Variants in GOLGA1 observed in about 807,000 individuals in gnomAD.
GOLGA1 encodes the protein golgin A1, also known as golgin subfamily A member 1.
Under a neutral mutation model 119.7 loss-of-function variants are expected in GOLGA1, and 63 were observed. The ratio of observed to expected loss-of-function variants is 0.53; its 90% CI spans 0.43 to 0.65. The LOEUF (loss-of-function observed/expected upper bound fraction) is 0.65. Ranked by LOEUF, GOLGA1 falls within the 30% of genes least tolerant of loss-of-function variation. The pLI, the probability that GOLGA1 is intolerant of heterozygous loss-of-function variation, is 0.00. For synonymous variants in GOLGA1, 318 were observed against 333.4 expected (o/e 0.95, Z 0.50); for missense variants, 798 against 912.8 (o/e 0.87, Z 1.62).
intron 3 of GOLGA1, 40 bp from the exon 4 acceptor site, chr9:124,931,446 T>A (rs200591160): frequency 1.1e-6 from 1 of 937,464 alleles, no homozygotes; most frequent in Non-Finnish European, 1.8e-6. Context: ...TTCATATATG[T>A]GTGAGACCAC....
Position 124,928,268 on chromosome 9 carries a change from G to T in GOLGA1, c.319C>A (p.Gln107Lys). The T allele has an allele frequency of 6.3e-7, 1 of 1,598,052 alleles. No individual in the cohort carries two copies. Among genetic ancestry groups the T allele is most frequent in the Non-Finnish European group, 8.6e-7 (1 of 1,166,712 alleles). Residue 107 changes from glutamine (Q) to lysine (K), a missense_variant, in exon 6 of 23, where the codon CAA becomes AAA. Gln to Lys is a moderately conservative substitution (Grantham distance 53). Coordinates refer to ENST00000373555, the MANE Select transcript of GOLGA1 (RefSeq NM_002077.4). The part of the protein sequence containing the change: ...KHQDSSMRKF[Q>K]EQNETFQANR... Reference sequence around the variant, plus strand: ...GCTTGGAATGTCTCATTCTGCTCTTGAAATTTCCGCATGGAAGCTGTTAAC... The same window carrying T: ...GCTTGGAATGTCTCATTCTGCTCTTTAAATTTCCGCATGGAAGCTGTTAAC...
chr9:124,878,910 T>G lies in GOLGA1; in HGVS notation c.*1620A>C, dbSNP rs558630214. 1 of 152,328 alleles carries G rather than the reference T, an allele frequency of 6.6e-6. No individual in the cohort carries two copies. Among genetic ancestry groups the G allele is most frequent in the East Asian group, 1.9e-4 (1 of 5,184 alleles). 9.4% of individuals were successfully genotyped at this position (152,328 alleles called of 1,614,324 possible). A position where few individuals can be genotyped will look rare whatever the true frequency, so the allele number is the denominator to read the frequency against. ...TTGCAGAACAGAAGAGACTCCTGTT[T>G]CGTGTTCCCACCAGGTAAATGGAAA... On this transcript the variant is annotated 3_prime_UTR_variant, in exon 23 of 23. Coordinates refer to ENST00000373555, the MANE Select transcript of GOLGA1 (RefSeq NM_002077.4).
intron 1 of GOLGA1, chr9:124,947,836 C>T (rs545926763): frequency 2.0e-4 from 31 of 152,280 alleles, no homozygotes; most frequent in African/African-American, 7.2e-4. Flanking sequence ...TCATAGCATT[C>T]ATATTCATAT....
chr9:124,911,636 A>G (rs962190911), intron 11 of GOLGA1, among the ~76,000 whole-genome samples: 1 of 152,242 alleles, frequency 6.6e-6, no homozygotes, highest in Non-Finnish European at 1.5e-5. Context: ...GGCGGAAATC[A>G]CTAGGTGTGG....
chr9:124,912,650 C>G (rs1414419112), intron 10 of GOLGA1, among the ~76,000 whole-genome samples: 1 of 152,218 alleles, frequency 6.6e-6, no homozygotes, highest in Non-Finnish European at 1.5e-5. Flanking sequence ...TTACGCCATT[C>G]TCCTGCCTCA....
At chr9:124,931,930 G>A (rs570716314) in intron 3 of GOLGA1, among the ~76,000 whole-genome samples, 2 of 152,026 alleles carry the variant, frequency 1.3e-5, no homozygotes, top group South Asian at 4.2e-4. Context: ...TATTAATGAG[G>A]CATACATTTT....
chr9:124,890,436 G>C lies in GOLGA1; in HGVS notation c.1450C>G (p.Gln484Glu). The change falls in exon 16 of 23, where the codon CAA becomes GAA. Residue 484 changes from glutamine to glutamate, a missense_variant. Gln to Glu is a conservative substitution (Grantham distance 29, BLOSUM62 2). Transcript: ENST00000373555. ...TGCTTCCGCACCTCCTCCAGGGCTT[G>C]AGCCATGGCCACGCTCACAATTTCT... is the stretch of plus-strand genomic sequence containing the variant. ...QREIVSVAMA[Q>E]ALEEVRKQRE... 1 of 1,613,860 alleles carries C rather than the reference G, an allele frequency of 6.2e-7. No homozygotes were observed. Among genetic ancestry groups the C allele is most frequent in the Non-Finnish European group, 8.5e-7 (1 of 1,179,736 alleles).
At position 124,888,303 on chromosome 9, in the gene GOLGA1, G is replaced by C. The variant is rs1287235630; in HGVS notation, c.1855C>G (p.Leu619Val). 1 of 1,613,996 alleles carries C rather than the reference G, an allele frequency of 6.2e-7. No individual in the cohort carries two copies. Among genetic ancestry groups the C allele is most frequent in the Admixed American group, 1.7e-5 (1 of 60,012 alleles). The change falls in exon 19 of 23, where the codon CTA becomes GTA. Residue 619 changes from leucine (L) to valine (V), a missense_variant. By Grantham distance (32) the Leu-to-Val change is conservative. Coordinates refer to ENST00000373555, the MANE Select transcript of GOLGA1 (RefSeq NM_002077.4). This position sits in a 1 kb window ranked among gnomAD's most constrained non-coding sequence, Gnocchi z 4.4. ...TCCAAGTCCTGTTTCTCCTTCTGTA[G>C]CTGTGTGAGATCCATGGCCCCAACC... ...GEVGAMDLTQ[L>V]QKEKQDLEQQ... is the part of the protein sequence containing the mutation.
rs749252429 is a variant in GOLGA1, at chr9:124,881,153, T to C, written c.2223+18A>G. 2 of 1,311,644 alleles carry C rather than the reference T, an allele frequency of 1.5e-6. No individual in the cohort carries two copies. Among genetic ancestry groups the C allele is most frequent in the Non-Finnish European group, 2.2e-6 (2 of 902,310 alleles). The allele number at this position is 1,311,644 out of a possible 1,614,324, so 81.3% of individuals were successfully genotyped here. A position where few individuals can be genotyped will look rare whatever the true frequency, so the allele number is the denominator to read the frequency against. ...CAACGTATCTTGGAAGCTGGAACAG[T>C]AGACCAGAGAACCCTACCTTATATT... On this transcript the variant is annotated intron_variant, in intron 22 of 22. Coordinates refer to ENST00000373555, the MANE Select transcript of GOLGA1 (RefSeq NM_002077.4). This position sits in a 1 kb window ranked among gnomAD's most constrained non-coding sequence, Gnocchi z 4.9.
chr9:124,928,258 T>C lies in GOLGA1; in HGVS notation c.329A>G (p.Asn110Ser), dbSNP rs981377907. ...GGCTCTGTTGGCTTGGAATGTCTCA[T>C]TCTGCTCTTGAAATTTCCGCATGGA... ...DSSMRKFQEQ[N>S]ETFQANRAKM... Residue 110 changes from asparagine (N) to serine (S), a missense_variant, in exon 6 of 23, where the codon AAT becomes AGT. Asn to Ser is a conservative substitution (Grantham distance 46). Coordinates refer to ENST00000373555, the MANE Select transcript of GOLGA1 (RefSeq NM_002077.4). The C allele has an allele frequency of 1.9e-6, 3 of 1,605,542 alleles. No homozygotes were observed. Among genetic ancestry groups the C allele is most frequent in the African/African-American group, 2.7e-5 (2 of 74,650 alleles).
At position 124,888,001 on chromosome 9, in the gene GOLGA1, G is replaced by A. The variant is rs1414187795; in HGVS notation, c.1905+252C>T. The stretch of plus-strand genomic sequence containing the variant: ...AGCAGAGCTGGCAGGGAACATGCAG[G>A]CTTGCAGCTGCCCAAGCCTGACACT... On this transcript the variant is annotated intron_variant, in intron 19 of 22. Coordinates refer to ENST00000373555, the MANE Select transcript of GOLGA1 (RefSeq NM_002077.4). The surrounding 1 kb of genome is among the most constrained non-coding windows in gnomAD (Gnocchi z 4.4). Among the ~76,000 whole-genome samples the A allele has an allele frequency of 2.6e-5, 4 of 152,188 alleles. No homozygotes were observed. The highest frequency in any genetic ancestry group is 4.4e-5 in the Non-Finnish European group (3 of 68,036).
At chr9:124,922,291 G>A (rs904313356) in intron 8 of GOLGA1, among the ~76,000 whole-genome samples, 1 of 151,530 alleles carries the variant, frequency 6.6e-6, no homozygotes, top group African/African-American at 2.4e-5. Context: ...GGTGGCTCAC[G>A]CCTGTAATCC....
intron 1 of GOLGA1, chr9:124,947,360 A>T (rs1831162166): frequency 6.6e-6 from 1 of 152,216 alleles, no homozygotes; most frequent in Non-Finnish European, 1.5e-5. Context: ...CATCAGTTTA[A>T]ATAAAAATTT....
Position 124,880,494 on chromosome 9 carries a change from G to T in GOLGA1, c.*36C>A. The T allele has an allele frequency of 8.5e-7, 1 of 1,176,726 alleles. No individual in the cohort carries two copies. 72.9% of individuals were successfully genotyped at this position (1,176,726 alleles called of 1,614,324 possible). ...TCAGTGTTCTTTTCACAGAAAAAGTGTCAACCCACGGAGCTCCATCCTTGG... is the reference window on the plus strand; with the variant it reads ...TCAGTGTTCTTTTCACAGAAAAAGTTTCAACCCACGGAGCTCCATCCTTGG... On this transcript the variant is annotated 3_prime_UTR_variant, in exon 23 of 23. Transcript: ENST00000373555.
chr9:124,927,722 T>G (rs1588093056), intron 6 of GOLGA1, among the ~76,000 whole-genome samples: 1 of 152,216 alleles, frequency 6.6e-6, no homozygotes, highest in Non-Finnish European at 1.5e-5. Flanking sequence ...CTGCTGAGAT[T>G]ATAGGATTTC....
At chr9:124,916,753 G>A (rs1307157433) in intron 10 of GOLGA1, among the ~76,000 whole-genome samples, 3 of 151,474 alleles carry the variant, frequency 2.0e-5, no homozygotes, top group Non-Finnish European at 4.4e-5. Context: ...GTGTAAGCCT[G>A]TAGTCCCAGA....
chr9:124,880,518 G>A lies in GOLGA1; in HGVS notation c.*12C>T. The A allele has an allele frequency of 6.7e-7, 1 of 1,496,164 alleles. No individual in the cohort carries two copies. Among genetic ancestry groups the A allele is most frequent in the African/African-American group, 1.4e-5 (1 of 72,754 alleles). The allele number at this position is 1,496,164 out of a possible 1,614,324, so 92.7% of individuals were successfully genotyped here. A position where few individuals can be genotyped will look rare whatever the true frequency, so the allele number is the denominator to read the frequency against. The stretch of plus-strand genomic sequence containing the variant: ...TGTCAACCCACGGAGCTCCATCCTT[G>A]GGTAGTCCCCTCTAGGACCATGGTA... On this transcript the variant is annotated 3_prime_UTR_variant, in exon 23 of 23. Transcript: ENST00000373555.
chr9:124,922,585 GA>G (rs111753016), intron 8 of GOLGA1, among the ~76,000 whole-genome samples: 2,854 of 139,158 alleles, frequency 0.021, 88 homozygotes, highest in African/African-American at 0.068. Context: ...AGAAAGGAAA[GA>G]AAAAAAAAAA....
At chr9:124,922,971 T>G (rs1830600081) in intron 8 of GOLGA1, 124 bp downstream of exon 8, 1 of 598,134 alleles carries the variant, frequency 1.7e-6, no homozygotes, top group African/African-American at 2.0e-5. Flanking sequence ...ATGATTAATA[T>G]CAAATATGAT....
Sources: gnomAD v4.1 joint callset for allele counts (sites outside exome capture counted in the v4.1 genomes callset) on GRCh38, gnomAD v4.1.1 for gene constraint, Gnocchi (gnomAD v3.1) non-coding constraint, MANE v1.5 for transcripts, NCBI Gene and HGNC (gene_info 2026-07-23, HGNC 2026-07-21) for gene names.